OXSR1: variants seen among roughly 807,000 people sequenced by gnomAD.
OXSR1 encodes the protein oxidative stress responsive kinase 1, also known as serine/threonine-protein kinase OSR1.
A neutral mutation model predicts 79.8 loss-of-function variants in OXSR1; 24 were observed. The ratio of observed to expected loss-of-function variants is 0.30; its 90% CI spans 0.22 to 0.42. The LOEUF (loss-of-function observed/expected upper bound fraction) is 0.42. Among genes scored for constraint, OXSR1 ranks in the 10% least tolerant of loss-of-function variants. OXSR1 has a pLI of 1.00. For missense variants in OXSR1, 430 were observed against 618.4 expected (o/e 0.70, Z 3.23); for synonymous variants, 226 against 209.2 (o/e 1.08, Z -0.69).
Position 38,242,105 on chromosome 3 carries a change from C to G in OXSR1, c.1075-638C>G, listed in dbSNP as rs529554599. ...TTTCATATGGCAGATTGTAATTGGT[C>G]ATTTCCTAATAAATGTGGTTTACAC... On this transcript the variant is annotated intron_variant, in intron 11 of 17. Coordinates refer to ENST00000311806, the MANE Select transcript of OXSR1 (RefSeq NM_005109.3). 2.0e-5 allele frequency among the ~76,000 whole-genome samples: 3 copies of G among 152,236 alleles called. No homozygotes were observed. The South Asian group carries it at 6.2e-4, about 32-fold the overall frequency.
intron 4 of OXSR1, among the ~76,000 whole-genome samples, chr3:38,209,966 G>A (rs936627125): frequency 3.6e-4 from 55 of 152,148 alleles, no homozygotes; most frequent in African/African-American, 1.3e-3. Flanking sequence ...TCTGCTCACT[G>A]CAAAGTCCCT....
chr3:38,168,819 G>T (rs1453542998), intron 1 of OXSR1, among the ~76,000 whole-genome samples: 2 of 152,152 alleles, frequency 1.3e-5, no homozygotes, highest in East Asian at 3.9e-4. Context: ...TGCTTTTTGA[G>T]GTTCATCCAT....
intron 11 of OXSR1, among the ~76,000 whole-genome samples, chr3:38,239,551 T>C (rs1702985564): frequency 6.6e-6 from 1 of 152,184 alleles, no homozygotes. Context: ...TTATTAGTTT[T>C]TCCAGTCGGG....
At chr3:38,200,735 T>C (rs1330386400) in intron 4 of OXSR1, among the ~76,000 whole-genome samples, 1 of 152,242 alleles carries the variant, frequency 6.6e-6, no homozygotes, top group Non-Finnish European at 1.5e-5. Context: ...ATTTTATGTT[T>C]ATATTGCTTT....
At chr3:38,247,098 G>T (rs1310736118) in intron 13 of OXSR1, among the ~76,000 whole-genome samples, 1 of 151,268 alleles carries the variant, frequency 6.6e-6, no homozygotes, top group African/African-American at 2.4e-5. Flanking sequence ...ATTTCTGCTT[G>T]GCATATGGGA....
At chr3:38,164,141 T>C (rs1394394679), upstream of OXSR1, among the ~76,000 whole-genome samples, 1 of 152,144 alleles carries the variant, frequency 6.6e-6, no homozygotes, top group Non-Finnish European at 1.5e-5. Context: ...GGGTCCCTGC[T>C]CCGTCTCAGC....
rs1685030821 is a variant in OXSR1 at position 38,166,017 on chromosome 3, G to T, written c.70+71G>T. 3 of 1,400,546 alleles carry T rather than the reference G, an allele frequency of 2.1e-6. No individual in the cohort carries two copies. The African/African-American group carries it at 4.2e-5, about 20-fold the overall frequency. The allele number at this position is 1,400,546 out of a possible 1,614,324, so 86.8% of individuals were successfully genotyped here. A position where few individuals can be genotyped will look rare whatever the true frequency, so the allele number is the denominator to read the frequency against. ...GGGGGACACGGGAACGTGGGGAGCC[G>T]CGGGAGCTCGGGGAGCGCAGCCCTC... On this transcript the variant is annotated intron_variant, in intron 1 of 17. Transcript: ENST00000311806.
At chr3:38,194,950 C>G (rs896481880) in intron 3 of OXSR1, among the ~76,000 whole-genome samples, 1 of 152,112 alleles carries the variant, frequency 6.6e-6, no homozygotes, top group African/African-American at 2.4e-5. Context: ...GTCACTCTTA[C>G]CCCACCAACC....
At chr3:38,178,718 T>A (rs1701725357) in intron 1 of OXSR1, among the ~76,000 whole-genome samples, 2 of 150,498 alleles carry the variant, frequency 1.3e-5, no homozygotes, top group Non-Finnish European at 3.0e-5. Flanking sequence ...GCTCAAGTGA[T>A]CTGCCTGCCA....
chr3:38,219,806 TG>T (rs1394333324), intron 5 of OXSR1, among the ~76,000 whole-genome samples: 1 of 151,528 alleles, frequency 6.6e-6, no homozygotes, highest in East Asian at 1.9e-4. Context: ...ATGATGATGA[TG>T]ATGATGATGA....
intron 16 of OXSR1, among the ~76,000 whole-genome samples, chr3:38,251,779 A>G (rs1254686133): frequency 6.6e-6 from 1 of 152,210 alleles, no homozygotes; most frequent in Non-Finnish European, 1.5e-5. Context: ...TTGGATACCT[A>G]ATTTTTGTGG....
At chr3:38,223,223 A>G (rs1702623313) in intron 6 of OXSR1, among the ~76,000 whole-genome samples, 1 of 151,458 alleles carries the variant, frequency 6.6e-6, no homozygotes, top group African/African-American at 2.4e-5. Context: ...GCAGCCTTGA[A>G]CTCCTGGGCT....
chr3:38,205,105 T>C (rs1466549002), intron 4 of OXSR1, among the ~76,000 whole-genome samples: 1 of 151,770 alleles, frequency 6.6e-6, no homozygotes, highest in Non-Finnish European at 1.5e-5. Flanking sequence ...AGCACTGAGT[T>C]CCAATGCAAG....
intron 2 of OXSR1, among the ~76,000 whole-genome samples, chr3:38,188,041 C>G (rs1701915450): frequency 1.3e-5 from 2 of 152,092 alleles, no homozygotes; most frequent in South Asian, 4.1e-4. Context: ...AGAAGATTCC[C>G]CCTTCCCCCT....
At chr3:38,209,337 G>T (rs1702337976) in intron 4 of OXSR1, among the ~76,000 whole-genome samples, 1 of 151,956 alleles carries the variant, frequency 6.6e-6, no homozygotes, top group South Asian at 2.1e-4. Context: ...TCCTGCCTCA[G>T]ACTCCCAAAT....
At chr3:38,251,294 A>T in intron 15 of OXSR1, 109 bp from the exon 16 acceptor site, 1 of 822,900 alleles carries the variant, frequency 1.2e-6, no homozygotes, top group Admixed American at 1.8e-5. Context: ...CTGTGGATTT[A>T]GCATCCAGCT....
At chr3:38,243,624 C>T (rs1365385696) in intron 12 of OXSR1, among the ~76,000 whole-genome samples, 1 of 152,194 alleles carries the variant, frequency 6.6e-6, no homozygotes, top group Non-Finnish European at 1.5e-5. Context: ...ATCTCTTACT[C>T]TTAAACCAAT....
At position 38,208,959 on chromosome 3, in the gene OXSR1, A is replaced by AGTGTGTGT. The variant is rs144109114; in HGVS notation, c.435-7117_435-7110dup. On this transcript the variant is annotated intron_variant, in intron 4 of 17. Coordinates refer to ENST00000311806, the MANE Select transcript of OXSR1 (RefSeq NM_005109.3). ...TATTCTAAGAGTAACCCAGTTAAGG[A>AGTGTGTGT]GTGTGTGTGTGTGTGTGTGTGTGTG... 3.2e-3 allele frequency among the ~76,000 whole-genome samples: 466 copies of AGTGTGTGT among 146,968 alleles called. 2 individuals carry two copies. Among genetic ancestry groups the AGTGTGTGT allele is most frequent in the African/African-American group, 0.01 (404 of 38,894 alleles).
At chr3:38,207,390 C>T (rs998141339) in intron 4 of OXSR1, among the ~76,000 whole-genome samples, 1 of 152,196 alleles carries the variant, frequency 6.6e-6, no homozygotes, top group African/African-American at 2.4e-5. Flanking sequence ...TGTACCAGCT[C>T]TAAGTTCTTG....
Sources: allele counts gnomAD v4.1 joint callset (sites outside exome capture counted in the v4.1 genomes callset), GRCh38; gene constraint gnomAD v4.1.1; transcripts MANE v1.5; gene names NCBI Gene and HGNC (gene_info 2026-07-23, HGNC 2026-07-21).